ZFR2: variants seen among roughly 807,000 people sequenced by gnomAD.
ZFR2 encodes the protein zinc finger RNA binding protein 2.
A neutral mutation model predicts 105.7 loss-of-function variants in ZFR2; 104 were observed. That is an observed-to-expected ratio of 0.98 (90% CI 0.84 to 1.16). The LOEUF is 1.16. Ranked by LOEUF, ZFR2 falls within the 50% of genes most tolerant of loss-of-function variation. The pLI is 0.00. For missense variants in ZFR2, 1,425 were observed against 1,355.5 expected, an observed-to-expected ratio of 1.05 and a Z score of -0.80; for synonymous variants, 634 against 597.7, an observed-to-expected ratio of 1.06 and a Z score of -0.89.
Position 3,827,611 on chromosome 19 carries a change from CCTT to C in ZFR2, c.892_894del (p.Lys298del), listed in dbSNP as rs2037965980. ...TGCACGCCTGTCTTCTGGGCCGCCT[CCTT>C]CTTTCTGTGCTTCTGCCCTCCCAGA... On this transcript the variant is annotated inframe_deletion, in exon 6 of 19. Transcript: ENST00000262961. 3 of 1,583,108 alleles carry C rather than the reference CCTT, an allele frequency of 1.9e-6. No homozygotes were observed. Among genetic ancestry groups the C allele is most frequent in the Middle Eastern group, 3.3e-4 (2 of 6,018 alleles).
chr19:3,832,600 G>A (rs1034307985), intron 3 of ZFR2, among the ~76,000 whole-genome samples: 1 of 151,436 alleles, frequency 6.6e-6, no homozygotes, highest in Non-Finnish European at 1.5e-5. Flanking sequence ...GATTACAGGC[G>A]TGAGCTGCTG....
intron 1 of ZFR2, among the ~76,000 whole-genome samples, chr19:3,845,192 T>G (rs942942869): frequency 6.6e-6 from 1 of 152,242 alleles, no homozygotes; most frequent in Non-Finnish European, 1.5e-5. Context: ...GGGCCCATTC[T>G]GCATTGGGCT....
At position 3,819,045 on chromosome 19, in the gene ZFR2, C is replaced by A. The variant is rs1418562466; in HGVS notation, c.1931G>T (p.Ser644Ile). Residue 644 changes from serine to isoleucine, a missense_variant and splice_region_variant, in exon 12 of 19, where the codon AGC becomes ATC. Ser to Ile is a moderately radical substitution (Grantham distance 142, BLOSUM62 -2). Transcript: ENST00000262961. ...GRREEEGDKR[S>I]SVAPQTRVLK... ...CCTGGGGAAGGGGATCTCCAATGAC[C>A]TGCGCTTGTCACCCTCTTCCTCTCG... 1 of 1,611,936 alleles carries A rather than the reference C, an allele frequency of 6.2e-7. No individual in the cohort carries two copies. The highest frequency in any genetic ancestry group is 8.5e-7 in the Non-Finnish European group (1 of 1,179,622).
At position 3,812,910 on chromosome 19, in the gene ZFR2, C is replaced by T. The variant is rs555018619; in HGVS notation, c.2242+910G>A. Among the ~76,000 whole-genome samples the T allele has an allele frequency of 3.9e-5, 6 of 152,192 alleles. No individual in the cohort carries two copies. In the South Asian group the frequency reaches 1.2e-3, roughly 32 times the overall value. ...CCTGGCCAACCTGGTAAAACCCTGT[C>T]TCTACTAAAAATACAAAAAAATTAA... On this transcript the variant is annotated intron_variant, in intron 14 of 18. Transcript: ENST00000262961.
rs748578596 is a variant in ZFR2, at chr19:3,811,332, G to A, written c.2277C>T (p.Val759=). Residue 759 remains valine, a synonymous_variant, in exon 15 of 19, where the codon GTC becomes GTT. Transcript: ENST00000262961. Reference sequence around the variant, plus strand: ...ACTCGAGGCACTTCTTGGGGCTCAGGACATCACCTGCATCAGCCTGAGGCT... The same window carrying A: ...ACTCGAGGCACTTCTTGGGGCTCAGAACATCACCTGCATCAGCCTGAGGCT... The part of the protein sequence containing the change: ...VEEPQADAGD[V]LSPKKCLESL... The A allele has an allele frequency of 2.5e-6, 4 of 1,604,506 alleles. No homozygotes were observed. In the Admixed American group the frequency reaches 6.8e-5, roughly 27 times the overall value.
chr19:3,866,538 A>T (rs2038430390), intron 1 of ZFR2, among the ~76,000 whole-genome samples: 1 of 152,060 alleles, frequency 6.6e-6, no homozygotes, highest in Non-Finnish European at 1.5e-5. Flanking sequence ...CAAATCAATG[A>T]CAGAAGCCTC....
At chr19:3,864,416 T>C (rs1372567633) in intron 1 of ZFR2, among the ~76,000 whole-genome samples, 2 of 151,596 alleles carry the variant, frequency 1.3e-5, no homozygotes, top group African/African-American at 4.8e-5. Context: ...AAACAGAGGT[T>C]CTCTGGACAG....
chr19:3,844,013 T>TTGG (rs1555757817), intron 1 of ZFR2, among the ~76,000 whole-genome samples: 1 of 34,744 alleles, frequency 2.9e-5, no homozygotes, highest in Non-Finnish European at 4.7e-5. Flanking sequence ...AAGTAGGATG[T>TTGG]GGGGGGGGGG....
At chr19:3,857,479 C>T (rs976983368) in intron 1 of ZFR2, among the ~76,000 whole-genome samples, 4 of 147,004 alleles carry the variant, frequency 2.7e-5, no homozygotes, top group South Asian at 2.2e-4. Context: ...CTGAGGTGGG[C>T]GGATCACTTG....
Position 3,831,797 on chromosome 19 carries a change from T to A in ZFR2, c.461A>T (p.Glu154Val). The part of the protein sequence containing the change: ...AQPPQQAPIV[E>V]SGQPASTLSS... ...CAAGGTGCTCGCTGGCTGTCCGGAC[T>A]CCACTATGGGCGCCTGCTGTGGGGG... The change falls in exon 4 of 19, where the codon GAG becomes GTG. Residue 154 changes from glutamate (E) to valine (V), a missense_variant. Coordinates refer to ENST00000262961, the MANE Select transcript of ZFR2 (RefSeq NM_015174.2). 1.2e-6 allele frequency: 2 copies of A among 1,610,106 alleles called. No homozygotes were observed. Among genetic ancestry groups the A allele is most frequent in the Non-Finnish European group, 1.7e-6 (2 of 1,179,428 alleles).
intron 12 of ZFR2, among the ~76,000 whole-genome samples, chr19:3,818,056 G>A (rs1354940950): frequency 6.6e-6 from 1 of 152,280 alleles, no homozygotes; most frequent in Non-Finnish European, 1.5e-5. Context: ...TTGGGAAGAT[G>A]AGACAGCTGT....
chr19:3,850,894 T>A (rs1431063747), intron 1 of ZFR2, among the ~76,000 whole-genome samples: 2 of 108,440 alleles, frequency 1.8e-5, no homozygotes, highest in Non-Finnish European at 3.6e-5. Flanking sequence ...GACAGGGCAG[T>A]CTTTTCAAAA....
chr19:3,809,855 A>G (rs2037742562), intron 16 of ZFR2, among the ~76,000 whole-genome samples: 1 of 152,124 alleles, frequency 6.6e-6, no homozygotes, highest in Non-Finnish European at 1.5e-5. Flanking sequence ...GAGGCAGGAG[A>G]ATCGCTTGAG....
intron 1 of ZFR2, among the ~76,000 whole-genome samples, chr19:3,865,989 G>T (rs888768287): frequency 2.0e-5 from 3 of 151,974 alleles, no homozygotes; most frequent in African/African-American, 7.3e-5. Context: ...TTACAGGCGC[G>T]CGACACCACG....
intron 16 of ZFR2, among the ~76,000 whole-genome samples, chr19:3,810,461 C>T (rs2037749637): frequency 6.6e-6 from 1 of 152,238 alleles, no homozygotes; most frequent in Non-Finnish European, 1.5e-5. Context: ...TCTGCCTGGG[C>T]CCCTCTGCCC....
chr19:3,868,121 C>G (rs1362746694), intron 1 of ZFR2, among the ~76,000 whole-genome samples: 2 of 150,426 alleles, frequency 1.3e-5, no homozygotes, highest in African/African-American at 4.9e-5. Context: ...TTCTCTCCCC[C>G]TACCAGCAAT....
At chr19:3,807,058 C>T in intron 18 of ZFR2, 114 bp downstream of exon 18, 1 of 780,556 alleles carries the variant, frequency 1.3e-6, no homozygotes, top group Non-Finnish European at 2.0e-6. Flanking sequence ...TGTTCCTGTA[C>T]ATCTCAGTGG....
intron 1 of ZFR2, among the ~76,000 whole-genome samples, chr19:3,851,001 G>A (rs192727693): frequency 5.3e-4 from 80 of 151,762 alleles, no homozygotes; most frequent in African/African-American, 1.8e-3. Flanking sequence ...GAAAGCCAAG[G>A]AGAGAGCCCT....
chr19:3,823,258 T>G lies in ZFR2; in HGVS notation c.1359A>C (p.Glu453Asp). 6.2e-7 allele frequency: 1 copy of G among 1,613,886 alleles called. No individual in the cohort carries two copies. Among genetic ancestry groups the G allele is most frequent in the Non-Finnish European group, 8.5e-7 (1 of 1,179,842 alleles). ...AGCCTCGACTTACCTCCTCCACATATTCCGGGCCCACCGGCTGCGCATCAG... is the reference window on the plus strand; with the variant it reads ...AGCCTCGACTTACCTCCTCCACATAGTCCGGGCCCACCGGCTGCGCATCAG... Reference protein sequence around the residue: ...GCSDAQPVGPEYVEEVFSDEG... With the variant: ...GCSDAQPVGPDYVEEVFSDEG... The change falls in exon 8 of 19, where the codon GAA (glutamate) becomes GAC (aspartate). Residue 453 changes from glutamate to aspartate, a missense_variant. By Grantham distance (45) the Glu-to-Asp change is conservative. Coordinates refer to ENST00000262961, the MANE Select transcript of ZFR2 (RefSeq NM_015174.2). This position sits in a 1 kb window ranked among gnomAD's most constrained non-coding sequence, Gnocchi z 5.4.
Sources: allele counts gnomAD v4.1 joint callset (sites outside exome capture counted in the v4.1 genomes callset), GRCh38; gene constraint gnomAD v4.1.1; non-coding constraint Gnocchi (gnomAD v3.1); transcripts MANE v1.5; gene names NCBI Gene and HGNC (gene_info 2026-07-23, HGNC 2026-07-21).